Variants in DNAJB6 observed in about 807,000 individuals in gnomAD.
DNAJB6 encodes the protein DnaJ heat shock protein family (Hsp40) member B6.
In DNAJB6, 16 loss-of-function variants were observed where a neutral mutation model predicts 42.7. The observed-to-expected ratio is 0.37, with a 90% CI of 0.25 to 0.57. The LOEUF is 0.57. Among genes scored for constraint, DNAJB6 ranks in the 20% least tolerant of loss-of-function variants. The pLI is 0.74. For synonymous variants in DNAJB6, 170 were observed against 163.5 expected, an observed-to-expected ratio of 1.04 and a Z score of -0.30; for missense variants, 347 against 416.8, an observed-to-expected ratio of 0.83 and a Z score of 1.46.
At chr7:157,369,541 G>T (rs1284863955) in intron 5 of DNAJB6, 6 of 366,472 alleles carry the variant, frequency 1.6e-5, no homozygotes, top group Non-Finnish European at 2.1e-5. Context: ...TTAACATTAT[G>T]ATTAAACAGG....
chr7:157,347,737 G>A (rs1281664516), intron 1 of DNAJB6, among the ~76,000 whole-genome samples: 2 of 152,182 alleles, frequency 1.3e-5, no homozygotes, highest in Admixed American at 6.5e-5. Context: ...CATATGACTT[G>A]ATGATTAGCA....
At chr7:157,362,035 G>A (rs1180790509) in intron 2 of DNAJB6, among the ~76,000 whole-genome samples, 1 of 152,146 alleles carries the variant, frequency 6.6e-6, no homozygotes, top group East Asian at 1.9e-4. Context: ...CAGAGTGCTG[G>A]GATTACAGGT....
intron 2 of DNAJB6, among the ~76,000 whole-genome samples, chr7:157,359,269 A>T (rs1470520247): frequency 6.6e-6 from 1 of 152,212 alleles, no homozygotes; most frequent in East Asian, 1.9e-4. Context: ...AATAGTTGGA[A>T]CCAACTTAAA....
Position 157,366,567 on chromosome 7 carries a change from T to C in DNAJB6, c.235+6T>C. On this transcript the variant is annotated splice_donor_region_variant and intron_variant, in intron 4 of 9. Transcript: ENST00000262177. ...ATTAAATGGTGGAGGAGGAGGTAAG[T>C]ACGTGAGTTTTTTCTTTGAAGACAA... 6.2e-7 allele frequency: 1 copy of C among 1,613,498 alleles called. No individual in the cohort carries two copies. The highest frequency in any genetic ancestry group is 8.5e-7 in the Non-Finnish European group (1 of 1,179,716).
At chr7:157,367,538 T>A in intron 5 of DNAJB6, 55 bp downstream of exon 5, 1 of 1,048,086 alleles carries the variant, frequency 9.5e-7, no homozygotes, top group Non-Finnish European at 1.5e-6. Context: ...AATGAGGGCT[T>A]ACTTAGTATG....
At chr7:157,353,629 T>TG (rs1799124462) in intron 1 of DNAJB6, among the ~76,000 whole-genome samples, 1 of 113,322 alleles carries the variant, frequency 8.8e-6, no homozygotes. Context: ...GTGTATGTAT[T>TG]TTTTTTTGTT....
chr7:157,406,405 A>G (rs949254741), intron 8 of DNAJB6, among the ~76,000 whole-genome samples: 1 of 152,102 alleles, frequency 6.6e-6, no homozygotes, highest in African/African-American at 2.4e-5. Flanking sequence ...TGGCCTGGGG[A>G]CACAGGACTG....
At chr7:157,390,931 G>GC (rs1801310266) in intron 8 of DNAJB6, among the ~76,000 whole-genome samples, 1 of 152,134 alleles carries the variant, frequency 6.6e-6, no homozygotes, top group Admixed American at 6.6e-5. Flanking sequence ...CAACTCCTGG[G>GC]CTCAAGCATT....
At chr7:157,411,425 C>T (rs1584953601) in intron 9 of DNAJB6, 1 of 96,606 alleles carries the variant, frequency 1.0e-5, no homozygotes, top group Non-Finnish European at 2.1e-5. Context: ...ACTGAGCGGG[C>T]GTAGGGGAGG....
At chr7:157,401,290 T>C (rs879565337) in intron 8 of DNAJB6, among the ~76,000 whole-genome samples, 1 of 152,170 alleles carries the variant, frequency 6.6e-6, no homozygotes, top group Non-Finnish European at 1.5e-5. Context: ...GCCATCTTGG[T>C]TCACCGCTAC....
intron 8 of DNAJB6, among the ~76,000 whole-genome samples, chr7:157,404,448 C>CA (rs1415315580): frequency 6.8e-6 from 1 of 146,458 alleles, no homozygotes; most frequent in Non-Finnish European, 1.5e-5. Context: ...TGCAACAGCG[C>CA]ACTGGGCTAA....
chr7:157,385,905 A>T lies in DNAJB6; in HGVS notation c.691+294A>T. On this transcript the variant is annotated intron_variant, in intron 8 of 9. Transcript: ENST00000262177. The stretch of plus-strand genomic sequence containing the variant: ...TGCACTTTGCTTTTTTATTAAACGT[A>T]CTCCAAGGTGAGTCTTGACTCTTTA... 6 of 1,006,410 alleles carry T rather than the reference A, an allele frequency of 6.0e-6. No homozygotes were observed. The South Asian group carries it at 1.1e-4, about 19-fold the overall frequency. The allele number at this position is 1,006,410 out of a possible 1,614,324, so 62.3% of individuals were successfully genotyped here.
At position 157,415,950 on chromosome 7, in the gene DNAJB6, A is replaced by G. The variant is rs1033580455; in HGVS notation, c.899-66A>G. On this transcript the variant is annotated intron_variant, in intron 9 of 9. Transcript: ENST00000262177. ...TAACATGGGGAGATATTTAGAAAAC[A>G]TGTTTGGCTCTTGCTGGGGAAGCAG... 1.0e-5 allele frequency: 16 copies of G among 1,606,114 alleles called. No individual in the cohort carries two copies. In the African/African-American group the frequency reaches 2.0e-4, roughly 20 times the overall value.
chr7:157,357,462 C>G (rs1170130261), intron 1 of DNAJB6, among the ~76,000 whole-genome samples: 2 of 150,720 alleles, frequency 1.3e-5, no homozygotes, highest in Non-Finnish European at 3.0e-5. Flanking sequence ...CAGGTGTGCA[C>G]CACGATGCCG....
intron 1 of DNAJB6, among the ~76,000 whole-genome samples, chr7:157,344,349 CA>C (rs940085123): frequency 0.049 from 5,970 of 121,894 alleles, 264 homozygotes; most frequent in East Asian, 0.26. Context: ...GACTCCGTCT[CA>C]AAAAAAAAAA....
intron 1 of DNAJB6, among the ~76,000 whole-genome samples, chr7:157,342,851 A>G (rs1200458737): frequency 1.3e-5 from 2 of 152,160 alleles, no homozygotes; most frequent in African/African-American, 2.4e-5. Flanking sequence ...GTAATGGGGA[A>G]ATAACTTCTG....
Position 157,384,915 on chromosome 7 carries a change from C to G in DNAJB6, c.527C>G (p.Ser176Cys), listed in dbSNP as rs1800977911. 6.2e-7 allele frequency: 1 copy of G among 1,613,760 alleles called. No individual in the cohort carries two copies. The highest frequency in any genetic ancestry group is 8.5e-7 in the Non-Finnish European group (1 of 1,179,898). The change falls in exon 7 of 10, where the codon TCT becomes TGT. Residue 176 changes from serine (S) to cysteine (C), a missense_variant. Around this residue, in one of 3 missense-constraint regions of DNAJB6, gnomAD observed 264 missense variants for 288.0 expected, o/e 0.92. Coordinates refer to ENST00000262177, the MANE Select transcript of DNAJB6 (RefSeq NM_058246.4). Reference sequence around the variant, plus strand: ...GGTCACGGGGGCCTCACTTCATTCTCTTCCACGTCATTTGGTGGTAGTGGC... The same window carrying G: ...GGTCACGGGGGCCTCACTTCATTCTGTTCCACGTCATTTGGTGGTAGTGGC... ...SLGHGGLTSF[S>C]STSFGGSGMG...
intron 1 of DNAJB6, among the ~76,000 whole-genome samples, chr7:157,340,381 G>A (rs999618890): frequency 2.6e-5 from 4 of 152,068 alleles, no homozygotes; most frequent in African/African-American, 9.7e-5. Context: ...GTAGTTCAAG[G>A]ATGAATAGAA....
intron 1 of DNAJB6, among the ~76,000 whole-genome samples, 163 bp downstream of exon 1, chr7:157,337,307 G>A (rs947334456): frequency 1.3e-5 from 2 of 151,818 alleles, no homozygotes; most frequent in Non-Finnish European, 1.5e-5. Context: ...GGGTTGCGGG[G>A]CGAAGGGTGG....
Sources: gnomAD v4.1 joint callset for allele counts (sites outside exome capture counted in the v4.1 genomes callset) on GRCh38, gnomAD v4.1.1 for gene constraint, gnomAD v4.1.1 regional missense constraint, MANE v1.5 for transcripts, NCBI Gene and HGNC (gene_info 2026-07-23, HGNC 2026-07-21) for gene names.